The following HCRTR2 variants were observed in gnomAD, a reference collection of about 807,000 sequenced individuals.
HCRTR2 encodes the protein hypocretin receptor 2, also known as orexin receptor type 2.
A neutral mutation model predicts 49.0 loss-of-function variants in HCRTR2; 22 were observed. The observed-to-expected ratio is 0.45, with a 90% CI of 0.32 to 0.64. The LOEUF is 0.64. HCRTR2 is among the 30% of genes least tolerant of loss of function. HCRTR2 has a pLI of 0.04. For missense variants in HCRTR2, 491 were observed against 559.4 expected, an observed-to-expected ratio of 0.88 and a Z score of 1.23; for synonymous variants, 236 against 205.3, an observed-to-expected ratio of 1.15 and a Z score of -1.28.
At chr6:55,271,181 T>C (rs1326288323) in intron 4 of HCRTR2, among the ~76,000 whole-genome samples, 1 of 152,162 alleles carries the variant, frequency 6.6e-6, no homozygotes, top group African/African-American at 2.4e-5. Flanking sequence ...GGTGTGGTAC[T>C]TCCATACAGT....
intron 1 of HCRTR2, among the ~76,000 whole-genome samples, chr6:55,245,380 T>TATAC (rs1229537952): frequency 6.9e-6 from 1 of 143,998 alleles, no homozygotes; most frequent in African/African-American, 2.6e-5. Flanking sequence ...TGTATATATA[T>TATAC]ATATATGTAT....
intron 1 of HCRTR2, among the ~76,000 whole-genome samples, chr6:55,139,194 A>G (rs778657014): frequency 6.6e-6 from 1 of 152,220 alleles, no homozygotes; most frequent in Non-Finnish European, 1.5e-5. Context: ...AAGTCCTCAT[A>G]GGTCAGAATG....
At chr6:55,221,679 G>T (rs549564213) in intron 1 of HCRTR2, among the ~76,000 whole-genome samples, 1 of 152,062 alleles carries the variant, frequency 6.6e-6, no homozygotes, top group Non-Finnish European at 1.5e-5. Context: ...CGGGCGTGGT[G>T]GTGGGCGCCT....
chr6:55,258,078 C>A (rs1363950336), intron 3 of HCRTR2, among the ~76,000 whole-genome samples: 1 of 151,752 alleles, frequency 6.6e-6, no homozygotes, highest in Non-Finnish European at 1.5e-5. Context: ...AATGTTAAAC[C>A]TTTGTATATG....
chr6:55,242,170 G>A lies in HCRTR2; in HGVS notation c.224-6469G>A, dbSNP rs372375115. Reference sequence around the variant, plus strand: ...CAGGCATGAGCCACCACTCCCAGTCGGCAACTAATTTTTAAAATTGTGGTA... The same window carrying A: ...CAGGCATGAGCCACCACTCCCAGTCAGCAACTAATTTTTAAAATTGTGGTA... On this transcript the variant is annotated intron_variant, in intron 1 of 6. Coordinates refer to ENST00000370862, the MANE Select transcript of HCRTR2 (RefSeq NM_001384272.1). 3.0e-4 allele frequency among the ~76,000 whole-genome samples: 45 copies of A among 151,936 alleles called. 1 individual carries two copies. In the South Asian group the frequency reaches 4.2e-3, roughly 14 times the overall value.
chr6:55,185,679 AT>A (rs11340802), intron 1 of HCRTR2, among the ~76,000 whole-genome samples: 41,153 of 152,072 alleles, frequency 0.27, 7,113 homozygotes, highest in Non-Finnish European at 0.38. Flanking sequence ...TTCAGGACAT[AT>A]TTTCAACTAT....
intron 1 of HCRTR2, among the ~76,000 whole-genome samples, chr6:55,119,187 T>C (rs569419326): frequency 3.3e-4 from 50 of 152,246 alleles, no homozygotes; most frequent in African/African-American, 1.2e-3. Context: ...CAGTCTATCA[T>C]TGATGGGCGT....
rs536465623 is a variant in HCRTR2, at chr6:55,213,758, C to A, written c.224-34881C>A. Among the ~76,000 whole-genome samples, 22 of 152,208 alleles carry A rather than the reference C, an allele frequency of 1.4e-4. No individual in the cohort carries two copies. In the South Asian group the frequency reaches 4.6e-3, roughly 32 times the overall value. On this transcript the variant is annotated intron_variant, in intron 1 of 6. Coordinates refer to ENST00000370862, the MANE Select transcript of HCRTR2 (RefSeq NM_001384272.1). ...TGTGGGCTGCTCAAAGGACTAGCTT[C>A]CGTCATGCCTAAATACAAGTGCTAA...
chr6:55,143,954 A>G (rs1163744984), intron 1 of HCRTR2, among the ~76,000 whole-genome samples: 1 of 152,164 alleles, frequency 6.6e-6, no homozygotes, highest in Non-Finnish European at 1.5e-5. Flanking sequence ...ATAATTCTCA[A>G]GCCCTTAAGA....
At chr6:55,172,520 C>T (rs1252162094), upstream of HCRTR2, among the ~76,000 whole-genome samples, 1 of 152,058 alleles carries the variant, frequency 6.6e-6, no homozygotes, top group African/African-American at 2.4e-5. Flanking sequence ...ATGCCCTTCT[C>T]TTAAAAAGAA....
chr6:55,212,954 A>T (rs1765722069), intron 1 of HCRTR2, among the ~76,000 whole-genome samples: 1 of 152,184 alleles, frequency 6.6e-6, no homozygotes, highest in Non-Finnish European at 1.5e-5. Context: ...TCCATTGGGG[A>T]TAACTTCCAA....
intron 1 of HCRTR2, among the ~76,000 whole-genome samples, chr6:55,157,464 C>T (rs781137431): frequency 6.6e-6 from 1 of 152,190 alleles, no homozygotes; most frequent in East Asian, 1.9e-4. Flanking sequence ...AACTTGTTGC[C>T]CTGAAGGGAA....
chr6:55,166,006 C>G (rs573679307), intron 1 of HCRTR2, among the ~76,000 whole-genome samples: 10 of 151,836 alleles, frequency 6.6e-5, no homozygotes, highest in African/African-American at 2.2e-4. Context: ...TCCCTCTATG[C>G]CTAATTTGTT....
At chr6:55,130,398 A>G (rs1764338987) in intron 1 of HCRTR2, among the ~76,000 whole-genome samples, 1 of 142,950 alleles carries the variant, frequency 7.0e-6, no homozygotes, top group Non-Finnish European at 1.5e-5. Flanking sequence ...TTTTTTTTTC[A>G]TTTTCTTCTC....
intron 2 of HCRTR2, among the ~76,000 whole-genome samples, chr6:55,250,599 C>T (rs976826823): frequency 2.0e-5 from 3 of 152,030 alleles, no homozygotes; most frequent in Non-Finnish European, 4.4e-5. Context: ...TAATGCACAG[C>T]GATAGCTTTC....
At chr6:55,168,986 A>G (rs1764913457) in intron 1 of HCRTR2, among the ~76,000 whole-genome samples, 1 of 151,798 alleles carries the variant, frequency 6.6e-6, no homozygotes, top group African/African-American at 2.4e-5. Context: ...GTTACCATTC[A>G]TTCTTCAGTT....
chr6:55,223,066 T>G (rs1262434743), intron 1 of HCRTR2, among the ~76,000 whole-genome samples: 1 of 152,206 alleles, frequency 6.6e-6, no homozygotes, highest in Non-Finnish European at 1.5e-5. Context: ...TATTATCATT[T>G]TAGGGAATTT....
intron 1 of HCRTR2, among the ~76,000 whole-genome samples, chr6:55,137,859 G>A (rs1272973461): frequency 2.0e-5 from 3 of 152,196 alleles, no homozygotes; most frequent in Non-Finnish European, 2.9e-5. Context: ...TATTGGAAAT[G>A]TTTGAGGTTT....
chr6:55,142,363 ATTT>A (rs60317937), intron 1 of HCRTR2, among the ~76,000 whole-genome samples: 1,993 of 127,640 alleles, frequency 0.016, 14 homozygotes, highest in Non-Finnish European at 0.022. Flanking sequence ...CGCCCTGTTA[ATTT>A]TTTTTTTTTT....
Sources: allele counts gnomAD v4.1 joint callset (sites outside exome capture counted in the v4.1 genomes callset), GRCh38; gene constraint gnomAD v4.1.1; transcripts MANE v1.5; gene names NCBI Gene and HGNC (gene_info 2026-07-23, HGNC 2026-07-21).